Variants in HCN1 observed in about 807,000 individuals in gnomAD.
HCN1 encodes the protein potassium/sodium hyperpolarization-activated cyclic nucleotide-gated channel 1.
HCN1 carries 13 observed loss-of-function variants against 78.9 expected under a neutral mutation model. That is an observed-to-expected ratio of 0.16 (90% CI 0.11 to 0.26). HCN1 has a LOEUF of 0.26. Ranked by LOEUF, HCN1 falls within the 10% of genes least tolerant of loss-of-function variation. The probability of loss-of-function intolerance (pLI) is 1.00; values close to 1 mark genes in which losing one functional copy is unlikely to be tolerated. For synonymous variants in HCN1, 552 were observed against 455.5 expected (o/e 1.21, Z -2.70); for missense variants, 810 against 1,154.3 (o/e 0.70, Z 4.32).
At chr5:45,303,540 T>G in intron 6 of HCN1, 59 bp downstream of exon 6, 1 of 1,588,268 alleles carries the variant, frequency 6.3e-7, no homozygotes, top group South Asian at 1.1e-5. Flanking sequence ...TCCAAAATTC[T>G]TAAAGATACA....
intron 6 of HCN1, among the ~76,000 whole-genome samples, chr5:45,295,746 A>G (rs1443947532): frequency 1.3e-5 from 2 of 151,966 alleles, no homozygotes; most frequent in Non-Finnish European, 2.9e-5. Flanking sequence ...GAGTGAAAAG[A>G]GCATTCCTCA....
At chr5:45,366,584 C>A (rs940706726) in intron 4 of HCN1, among the ~76,000 whole-genome samples, 2 of 151,686 alleles carry the variant, frequency 1.3e-5, no homozygotes, top group African/African-American at 2.4e-5. Context: ...TGAAATGCAA[C>A]TGTTTCTATC....
At chr5:45,431,581 T>G (rs890046330) in intron 3 of HCN1, among the ~76,000 whole-genome samples, 2 of 152,214 alleles carry the variant, frequency 1.3e-5, no homozygotes. Flanking sequence ...TATATTTAAG[T>G]CATTAATCCA....
At chr5:45,406,789 G>C (rs1330847017) in intron 3 of HCN1, among the ~76,000 whole-genome samples, 1 of 152,100 alleles carries the variant, frequency 6.6e-6, no homozygotes, top group African/African-American at 2.4e-5. Flanking sequence ...AGGACATTTA[G>C]AGAAAAATTA....
chr5:45,339,902 G>A (rs1746539218), intron 5 of HCN1, among the ~76,000 whole-genome samples: 1 of 152,182 alleles, frequency 6.6e-6, no homozygotes, highest in Admixed American at 6.5e-5. Flanking sequence ...AGGAAGAATA[G>A]TTTTTAATTT....
chr5:45,527,444 A>C (rs1338328328), intron 2 of HCN1, among the ~76,000 whole-genome samples: 7 of 150,308 alleles, frequency 4.7e-5, no homozygotes. Flanking sequence ...AGGAAAGGGA[A>C]GCCAATTAAA....
At chr5:45,648,073 G>A (rs1444505381) in intron 1 of HCN1, among the ~76,000 whole-genome samples, 5 of 152,130 alleles carry the variant, frequency 3.3e-5, no homozygotes, top group Non-Finnish European at 5.9e-5. Context: ...TAAACGAGAC[G>A]ATATATGCTA....
intron 6 of HCN1, among the ~76,000 whole-genome samples, chr5:45,275,011 C>T (rs573634216): frequency 2.0e-5 from 3 of 152,084 alleles, no homozygotes; most frequent in African/African-American, 4.8e-5. Flanking sequence ...GTTGGGAGGC[C>T]GAGGGGGGCA....
At chr5:45,300,798 A>T (rs929976278) in intron 6 of HCN1, among the ~76,000 whole-genome samples, 2 of 152,074 alleles carry the variant, frequency 1.3e-5, no homozygotes, top group Non-Finnish European at 2.9e-5. Context: ...TCATTCAAAC[A>T]TTAATTCTCT....
intron 2 of HCN1, among the ~76,000 whole-genome samples, chr5:45,563,972 T>C (rs1432034173): frequency 1.3e-5 from 2 of 152,182 alleles, no homozygotes; most frequent in South Asian, 2.1e-4. Flanking sequence ...TAGAGCAACA[T>C]TGTAGCTGTG....
intron 4 of HCN1, among the ~76,000 whole-genome samples, chr5:45,372,141 A>T (rs1393283955): frequency 2.1e-5 from 1 of 46,982 alleles, no homozygotes; most frequent in Non-Finnish European, 3.1e-5. Flanking sequence ...TAATATAATA[A>T]TATATTATAT....
chr5:45,367,651 A>C (rs1747262974), intron 4 of HCN1, among the ~76,000 whole-genome samples: 1 of 151,940 alleles, frequency 6.6e-6, no homozygotes, highest in Admixed American at 6.6e-5. Context: ...TAAATCTAAA[A>C]TTTGACTGGC....
At chr5:45,591,007 T>C (rs898407200) in intron 2 of HCN1, among the ~76,000 whole-genome samples, 1 of 152,044 alleles carries the variant, frequency 6.6e-6, no homozygotes, top group African/African-American at 2.4e-5. Context: ...AATTTTTTTT[T>C]TTTTTAATTA....
chr5:45,659,218 T>C (rs1432096813), intron 1 of HCN1, among the ~76,000 whole-genome samples: 4 of 146,410 alleles, frequency 2.7e-5, no homozygotes, highest in Non-Finnish European at 6.0e-5. Flanking sequence ...CGGCAGGGTA[T>C]TCTAACAGAC....
intron 5 of HCN1, among the ~76,000 whole-genome samples, chr5:45,341,616 C>G (rs184661079): frequency 6.6e-6 from 1 of 152,188 alleles, no homozygotes; most frequent in Non-Finnish European, 1.5e-5. Context: ...TGGTTAAGCG[C>G]AAAGGTGGCT....
intron 3 of HCN1, among the ~76,000 whole-genome samples, chr5:45,443,863 TA>T (rs2111575237): frequency 6.6e-6 from 1 of 152,226 alleles, no homozygotes; most frequent in East Asian, 1.9e-4. Flanking sequence ...AATCAATATT[TA>T]TAAAACAAAA....
intron 4 of HCN1, among the ~76,000 whole-genome samples, chr5:45,374,242 A>G (rs1387450475): frequency 8.3e-6 from 1 of 120,326 alleles, no homozygotes; most frequent in African/African-American, 2.9e-5. Context: ...TAACATATAT[A>G]TTATGTACAT....
intron 2 of HCN1, among the ~76,000 whole-genome samples, chr5:45,570,978 G>A (rs1387713082): frequency 6.6e-6 from 1 of 151,976 alleles, no homozygotes; most frequent in African/African-American, 2.4e-5. Flanking sequence ...GGACAATATT[G>A]CTCACTTGAT....
chr5:45,533,646 C>G (rs940971086), intron 2 of HCN1, among the ~76,000 whole-genome samples: 11 of 152,098 alleles, frequency 7.2e-5, no homozygotes, highest in Admixed American at 7.2e-4. Flanking sequence ...CCTATGTGCC[C>G]ACTGAATGGC....
Sources: allele counts gnomAD v4.1 joint callset (sites outside exome capture counted in the v4.1 genomes callset), GRCh38; gene constraint gnomAD v4.1.1; transcripts MANE v1.5; gene names NCBI Gene and HGNC (gene_info 2026-07-23, HGNC 2026-07-21).